PCCA: variants seen among roughly 807,000 people sequenced by gnomAD.
PCCA encodes the protein propionyl-CoA carboxylase subunit alpha, also known as propionyl-CoA carboxylase alpha chain, mitochondrial.
PCCA carries 74 observed loss-of-function variants against 101.3 expected under a neutral mutation model. The observed-to-expected ratio is 0.73, with a 90% CI of 0.61 to 0.89. The LOEUF (loss-of-function observed/expected upper bound fraction) is 0.89, where lower values mean the gene tolerates loss of function less well. Ranked by LOEUF, PCCA falls within the 40% of genes least tolerant of loss-of-function variation. The pLI is 0.00. For missense variants in PCCA, 891 were observed against 907.0 expected, an observed-to-expected ratio of 0.98 and a Z score of 0.23; for synonymous variants, 294 against 313.6, an observed-to-expected ratio of 0.94 and a Z score of 0.66.
At chr13:100,430,335 ATCC>A (rs2079455652) in intron 20 of PCCA, among the ~76,000 whole-genome samples, 2 of 152,286 alleles carry the variant, frequency 1.3e-5, no homozygotes, top group South Asian at 4.1e-4. Flanking sequence ...CCTTGATTAA[ATCC>A]TCCTTTCCAG....
At chr13:100,246,423 C>G (rs1230144475) in intron 8 of PCCA, among the ~76,000 whole-genome samples, 2 of 152,136 alleles carry the variant, frequency 1.3e-5, no homozygotes, top group African/African-American at 4.8e-5. Context: ...GATCCTCCCA[C>G]CTCAGCCACT....
intron 21 of PCCA, among the ~76,000 whole-genome samples, chr13:100,513,283 G>C (rs915658484): frequency 2.6e-5 from 4 of 152,200 alleles, no homozygotes; most frequent in African/African-American, 7.2e-5. Flanking sequence ...TTGCACCAAG[G>C]CCTCTCTGGA....
At chr13:100,220,884 C>T (rs186556952) in intron 7 of PCCA, among the ~76,000 whole-genome samples, 2 of 152,280 alleles carry the variant, frequency 1.3e-5, no homozygotes, top group African/African-American at 4.8e-5. Context: ...GGCTCACAGC[C>T]TAATGGTTGG....
At chr13:100,498,327 C>T (rs1483471231) in intron 21 of PCCA, among the ~76,000 whole-genome samples, 2 of 151,364 alleles carry the variant, frequency 1.3e-5, no homozygotes, top group Middle Eastern at 3.4e-3. Context: ...ATTATGCTCT[C>T]TCATGGAGGT....
chr13:100,254,557 T>C (rs2061957356), intron 8 of PCCA, among the ~76,000 whole-genome samples: 1 of 152,142 alleles, frequency 6.6e-6, no homozygotes, highest in African/African-American at 2.4e-5. Flanking sequence ...TTACTTATCT[T>C]AATTAGAGTG....
chr13:100,294,589 C>T (rs1426477700), intron 12 of PCCA, among the ~76,000 whole-genome samples: 1 of 152,138 alleles, frequency 6.6e-6, no homozygotes, highest in Non-Finnish European at 1.5e-5. Context: ...ATTCTGATTT[C>T]AGCTCCAAAG....
At chr13:100,376,507 C>G (rs1432313281) in intron 19 of PCCA, among the ~76,000 whole-genome samples, 1 of 152,162 alleles carries the variant, frequency 6.6e-6, no homozygotes, top group Non-Finnish European at 1.5e-5. Flanking sequence ...TCTAGAAGCC[C>G]CTGAGTGGGG....
At chr13:100,199,466 A>C (rs1470054236) in intron 6 of PCCA, among the ~76,000 whole-genome samples, 1 of 152,108 alleles carries the variant, frequency 6.6e-6, no homozygotes, top group Non-Finnish European at 1.5e-5. Flanking sequence ...TGACTTACAG[A>C]GTCTTACCCC....
chr13:100,153,336 A>T (rs2053559567), intron 4 of PCCA, among the ~76,000 whole-genome samples: 1 of 152,196 alleles, frequency 6.6e-6, no homozygotes, highest in South Asian at 2.1e-4. Context: ...ATCTGCACTA[A>T]CTACTCTCAG....
At chr13:100,301,260 C>T (rs1049954696) in intron 12 of PCCA, among the ~76,000 whole-genome samples, 200 bp from the exon 13 acceptor site, 2 of 152,116 alleles carry the variant, frequency 1.3e-5, no homozygotes, top group African/African-American at 2.4e-5. Flanking sequence ...TACTTTTAGG[C>T]CTTAGTTTTT....
intron 4 of PCCA, among the ~76,000 whole-genome samples, chr13:100,153,859 C>G (rs2053612811): frequency 6.6e-6 from 1 of 152,084 alleles, no homozygotes. Context: ...GATCTTTTAC[C>G]TTTCAATACT....
intron 12 of PCCA, chr13:100,293,168 A>G (rs1430841159): frequency 2.1e-6 from 1 of 469,792 alleles, no homozygotes; most frequent in African/African-American, 2.0e-5. Flanking sequence ...CAGACAGGTA[A>G]ACTGTCCCAC....
At chr13:100,187,813 C>G (rs953178828) in intron 6 of PCCA, among the ~76,000 whole-genome samples, 1 of 152,088 alleles carries the variant, frequency 6.6e-6, no homozygotes, top group Non-Finnish European at 1.5e-5. Context: ...TGAATAAGTT[C>G]TTTAGTGGCG....
At chr13:100,369,493 C>T (rs1370353429) in intron 19 of PCCA, among the ~76,000 whole-genome samples, 1 of 152,148 alleles carries the variant, frequency 6.6e-6, no homozygotes, top group Admixed American at 6.5e-5. Context: ...ATTCATTCCA[C>T]AAATAATTGT....
chr13:100,340,918 A>G (rs1050333444), intron 18 of PCCA, among the ~76,000 whole-genome samples: 2 of 152,210 alleles, frequency 1.3e-5, no homozygotes, highest in Admixed American at 1.3e-4. Flanking sequence ...CACAAGAGGA[A>G]GAACAAAGTT....
intron 19 of PCCA, among the ~76,000 whole-genome samples, chr13:100,407,408 T>C (rs183045234): frequency 7.2e-4 from 109 of 152,344 alleles, no homozygotes; most frequent in African/African-American, 2.5e-3. Context: ...CTTTGTGTTA[T>C]AAAATAGAAT....
intron 5 of PCCA, 105 bp from the exon 6 acceptor site, chr13:100,157,182 G>A: frequency 5.6e-6 from 4 of 719,056 alleles, no homozygotes. Flanking sequence ...CTTATTCAAG[G>A]GCTCTTGAAC....
intron 20 of PCCA, among the ~76,000 whole-genome samples, chr13:100,440,771 T>C (rs1276614795): frequency 6.6e-6 from 1 of 152,056 alleles, no homozygotes; most frequent in Non-Finnish European, 1.5e-5. Flanking sequence ...TCAGGATATA[T>C]AGGATATATA....
chr13:100,370,293 C>T (rs1428685250), intron 19 of PCCA, among the ~76,000 whole-genome samples: 1 of 151,794 alleles, frequency 6.6e-6, no homozygotes, highest in Non-Finnish European at 1.5e-5. Flanking sequence ...CCATGTTGGC[C>T]AGGCTGGTCT....
Sources: gnomAD v4.1 joint callset for allele counts (sites outside exome capture counted in the v4.1 genomes callset) on GRCh38, gnomAD v4.1.1 for gene constraint, MANE v1.5 for transcripts, NCBI Gene and HGNC (gene_info 2026-07-23, HGNC 2026-07-21) for gene names.